The following ARHGAP26 variants were observed in gnomAD, a reference collection of about 807,000 sequenced individuals.
ARHGAP26 encodes the protein rho GTPase-activating protein 26.
Under a neutral mutation model 104.8 loss-of-function variants are expected in ARHGAP26, and 38 were observed. The ratio of observed to expected loss-of-function variants is 0.36; its 90% CI spans 0.28 to 0.48. The LOEUF is 0.48. Among genes scored for constraint, ARHGAP26 ranks in the 20% least tolerant of loss-of-function variants. ARHGAP26 has a pLI of 0.99. For missense variants in ARHGAP26, 704 were observed against 947.9 expected (o/e 0.74, Z 3.38); for synonymous variants, 341 against 340.0 (o/e 1.00, Z -0.03).
intron 14 of ARHGAP26, among the ~76,000 whole-genome samples, chr5:143,051,288 G>C (rs246651): frequency 0.72 from 109,417 of 152,162 alleles, 39,711 homozygotes; most frequent in African/African-American, 0.77. Flanking sequence ...GACGTTCTCC[G>C]CTTATAACCA....
chr5:142,949,216 AG>A (rs1767855557), intron 11 of ARHGAP26, among the ~76,000 whole-genome samples: 1 of 72,038 alleles, frequency 1.4e-5, no homozygotes, highest in African/African-American at 1.2e-4. Flanking sequence ...AGAGAGAGAG[AG>A]AGAGGAGAGA....
intron 9 of ARHGAP26, among the ~76,000 whole-genome samples, chr5:142,908,228 C>T (rs775905292): frequency 2.0e-5 from 3 of 152,216 alleles, no homozygotes; most frequent in Non-Finnish European, 4.4e-5. Context: ...AACTTAGCAA[C>T]ATTTAAAACA....
At position 142,896,574 on chromosome 5, in the gene ARHGAP26, C is replaced by T. The variant is rs143784204; in HGVS notation, c.597+2226C>T. On this transcript the variant is annotated intron_variant, in intron 6 of 22. Coordinates refer to ENST00000645722, the MANE Select transcript of ARHGAP26 (RefSeq NM_001135608.3). ...GGTTTTCCTCCTCCTTCTTCTCCTT[C>T]TTTTGTCTCTCCTCCCCCTCTTCCT... Among the ~76,000 whole-genome samples the T allele has an allele frequency of 7.2e-3, 1,099 of 152,312 alleles. 8 individuals are homozygous for T. The highest frequency in any genetic ancestry group is 0.034 in the Middle Eastern group (10 of 294).
intron 20 of ARHGAP26, among the ~76,000 whole-genome samples, chr5:143,150,060 A>G (rs191149671): frequency 6.6e-6 from 1 of 152,312 alleles, no homozygotes; most frequent in East Asian, 1.9e-4. Context: ...GTAATGCTAA[A>G]TCAGGCATCA....
At chr5:143,043,615 A>G (rs960235066) in intron 14 of ARHGAP26, among the ~76,000 whole-genome samples, 4 of 152,206 alleles carry the variant, frequency 2.6e-5, no homozygotes, top group African/African-American at 9.7e-5. Context: ...AGAATTTCTA[A>G]TATAAGGAAG....
chr5:143,058,999 T>C (rs1786282382), intron 17 of ARHGAP26, among the ~76,000 whole-genome samples: 2 of 152,206 alleles, frequency 1.3e-5, no homozygotes, highest in South Asian at 4.1e-4. Flanking sequence ...AGAATCCCGA[T>C]GAAGCATGTT....
chr5:142,879,613 A>G (rs1056542145), intron 4 of ARHGAP26, among the ~76,000 whole-genome samples, 168 bp downstream of exon 4: 3 of 152,250 alleles, frequency 2.0e-5, no homozygotes, highest in African/African-American at 7.2e-5. Flanking sequence ...TCGGTTCTTT[A>G]CGGGTGACTG....
At chr5:143,143,860 T>G (rs1043886901) in intron 19 of ARHGAP26, among the ~76,000 whole-genome samples, 8 of 152,234 alleles carry the variant, frequency 5.3e-5, no homozygotes, top group Admixed American at 5.2e-4. Context: ...TCACTCCTTA[T>G]AGAACATATG....
chr5:142,998,098 G>GTGTT (rs1387638592), intron 11 of ARHGAP26, among the ~76,000 whole-genome samples: 2 of 152,148 alleles, frequency 1.3e-5, no homozygotes, highest in Admixed American at 6.5e-5. Flanking sequence ...TGCTAACTCA[G>GTGTT]TGTTTGTTGC....
chr5:142,985,481 A>G (rs757191888), intron 11 of ARHGAP26, among the ~76,000 whole-genome samples: 4 of 152,056 alleles, frequency 2.6e-5, no homozygotes, highest in Non-Finnish European at 4.4e-5. Flanking sequence ...CATTCATGGT[A>G]AGCACTTTAT....
intron 17 of ARHGAP26, among the ~76,000 whole-genome samples, chr5:143,066,842 C>T (rs566020968): frequency 6.6e-6 from 1 of 152,310 alleles, no homozygotes; most frequent in Admixed American, 6.5e-5. Context: ...GATGAGCCAG[C>T]ACAGGGGCAG....
intron 22 of ARHGAP26, chr5:143,216,855 G>C (rs1810418632): frequency 6.5e-6 from 1 of 152,796 alleles, no homozygotes; most frequent in South Asian, 2.1e-4. Context: ...TTCTCAATTG[G>C]GTTAGCTCAA....
At chr5:142,856,202 G>A (rs1422673486) in intron 1 of ARHGAP26, among the ~76,000 whole-genome samples, 1 of 152,256 alleles carries the variant, frequency 6.6e-6, no homozygotes, top group African/African-American at 2.4e-5. Context: ...GAGAAACCCA[G>A]GAGCTGTGGG....
Position 142,890,146 on chromosome 5 carries a change from AAAAAAATATATATATAT to A in ARHGAP26, c.487-4090_487-4074del, listed in dbSNP as rs1456485447. ...AGCGAAACTCCGTCTTAAAAAAAAA[AAAAAAATATATATATAT>A]ATATATATATATATATATATATATA... On this transcript the variant is annotated intron_variant, in intron 5 of 22. Coordinates refer to ENST00000645722, the MANE Select transcript of ARHGAP26 (RefSeq NM_001135608.3). Among the ~76,000 whole-genome samples, 74 of 89,214 alleles carry A rather than the reference AAAAAAATATATATATAT, an allele frequency of 8.3e-4. 2 individuals are homozygous for A. The highest frequency in any genetic ancestry group is 5.3e-3 in the Middle Eastern group (1 of 188). The allele number at this position is 89,214 out of a possible 152,430, so 58.5% of individuals were successfully genotyped here.
At position 143,014,248 on chromosome 5, in the gene ARHGAP26, G is replaced by A. The variant is rs13175463; in HGVS notation, c.1144+132G>A. On this transcript the variant is annotated intron_variant, in intron 12 of 22. Coordinates refer to ENST00000645722, the MANE Select transcript of ARHGAP26 (RefSeq NM_001135608.3). ...TTGGCTCCAGTTCCCGAGTGCAGTG[G>A]GACATGCCTCCACCCCAACTTTCCG... is the stretch of plus-strand genomic sequence containing the variant. 2,279 of 956,796 alleles carry A rather than the reference G, an allele frequency of 2.4e-3. 32 individuals carry two copies. In the African/African-American group the frequency reaches 0.026, roughly 11 times the overall value. 59.3% of individuals were successfully genotyped at this position (956,796 alleles called of 1,614,324 possible).
At chr5:143,111,308 G>C (rs1046929261) in intron 17 of ARHGAP26, among the ~76,000 whole-genome samples, 2 of 151,872 alleles carry the variant, frequency 1.3e-5, no homozygotes, top group Non-Finnish European at 2.9e-5. Flanking sequence ...CTCTCCCTCT[G>C]TCTGTCAGTC....
intron 17 of ARHGAP26, among the ~76,000 whole-genome samples, chr5:143,107,427 C>T (rs1794176501): frequency 6.6e-6 from 1 of 152,168 alleles, no homozygotes; most frequent in South Asian, 2.1e-4. Context: ...GTGCATCATT[C>T]TGTCCTTGAA....
At chr5:143,014,198 C>A (rs1278023112) in intron 12 of ARHGAP26, 82 bp downstream of exon 12, 4 of 1,517,862 alleles carry the variant, frequency 2.6e-6, no homozygotes, top group Non-Finnish European at 3.7e-6. Flanking sequence ...TGTGAACCAC[C>A]AGGCGGTGCT....
chr5:142,903,798 A>G, intron 8 of ARHGAP26, 129 bp downstream of exon 8: 4 of 970,954 alleles, frequency 4.1e-6, no homozygotes, highest in Non-Finnish European at 4.3e-6. Flanking sequence ...TTTATAGTTC[A>G]CCTTTCCAAA....
Sources: allele counts gnomAD v4.1 joint callset (sites outside exome capture counted in the v4.1 genomes callset), GRCh38; gene constraint gnomAD v4.1.1; transcripts MANE v1.5; gene names NCBI Gene and HGNC (gene_info 2026-07-23, HGNC 2026-07-21).